Variants in CDKN2B-AS1 observed in about 807,000 individuals in gnomAD.
The protein encoded by CDKN2B-AS1 is CDKN2B and CDKN2A antisense cis and trans regulatory RNA 1, also known as CDKN2B antisense RNA 1 (non-protein coding).
At chr9:22,008,387 G>T (rs973096407) in intron 1 of CDKN2B-AS1, among the ~76,000 whole-genome samples, 2 of 152,054 alleles carry the variant, frequency 1.3e-5, no homozygotes, top group Admixed American at 6.6e-5. Flanking sequence ...AGTTTACATT[G>T]ATTTTTTCCA....
chr9:22,090,718 G>A (rs1380481297), intron 4 of CDKN2B-AS1, among the ~76,000 whole-genome samples: 1 of 151,980 alleles, frequency 6.6e-6, no homozygotes, highest in Non-Finnish European at 1.5e-5. Flanking sequence ...TGTAGATTCT[G>A]GATATTAGCC....
At chr9:22,059,745 A>G (rs1055246581) in intron 4 of CDKN2B-AS1, among the ~76,000 whole-genome samples, 1 of 152,188 alleles carries the variant, frequency 6.6e-6, no homozygotes, top group Admixed American at 6.5e-5. Context: ...CCAGCAGCAA[A>G]CTTTTGCCTG....
chr9:22,022,881 A>T (rs1442069843), intron 1 of CDKN2B-AS1, among the ~76,000 whole-genome samples: 4 of 152,240 alleles, frequency 2.6e-5, no homozygotes, highest in Non-Finnish European at 4.4e-5. Context: ...TCCTTCTCTT[A>T]TGAAACTTAG....
Position 21,996,298 on chromosome 9 carries a change from A to T in CDKN2B-AS1, n.29+1137A>T, listed in dbSNP as rs1327919784. On this transcript the variant is annotated intron_variant and non_coding_transcript_variant, in intron 1 of 4. Transcript: ENST00000650946. This position sits in a 1 kb window ranked among gnomAD's most constrained non-coding sequence, Gnocchi z 5.4. Reference sequence around the variant, plus strand: ...GCGATCACTCTTACGTAGCCACTCTAAATATCTATCTAGATATTTACAAAT... The same window carrying T: ...GCGATCACTCTTACGTAGCCACTCTTAATATCTATCTAGATATTTACAAAT... Among the ~76,000 whole-genome samples, 1 of 152,160 alleles carries T rather than the reference A, an allele frequency of 6.6e-6. No individual in the cohort carries two copies. The highest frequency in any genetic ancestry group is 1.5e-5 in the Non-Finnish European group (1 of 68,028).
intron 3 of CDKN2B-AS1, among the ~76,000 whole-genome samples, chr9:22,049,515 A>T (rs1348672978): frequency 6.6e-6 from 1 of 152,168 alleles, no homozygotes. Flanking sequence ...GTCACCCTCC[A>T]GTACATCTGC....
At chr9:22,056,069 G>C (rs1823553005) in intron 3 of CDKN2B-AS1, among the ~76,000 whole-genome samples, 1 of 148,830 alleles carries the variant, frequency 6.7e-6, no homozygotes, top group Admixed American at 6.7e-5. Context: ...TTTTGAGACG[G>C]AGTCTTGCAG....
chr9:22,090,542 T>C lies in CDKN2B-AS1; in HGVS notation n.438+34155T>C, dbSNP rs1825041872. The stretch of plus-strand genomic sequence containing the variant: ...ATTCTGACTGGTGTCAGATGGTATC[T>C]CATTGTGGTTTTGATTTGCATTTCT... On this transcript the variant is annotated intron_variant and non_coding_transcript_variant, in intron 4 of 4. Transcript: ENST00000650946. Among the ~76,000 whole-genome samples the C allele has an allele frequency of 2.6e-5, 4 of 152,334 alleles. No homozygotes were observed. In the South Asian group the frequency reaches 8.3e-4, roughly 32 times the overall value.
chr9:22,126,511 G>A (rs1468652819), intron 4 of CDKN2B-AS1, among the ~76,000 whole-genome samples: 1 of 151,640 alleles, frequency 6.6e-6, no homozygotes, highest in Non-Finnish European at 1.5e-5. Context: ...TTTCGAAAGA[G>A]GTGAACTAAG....
rs994138296 is a variant in CDKN2B-AS1 at position 21,997,344 on chromosome 9, G to A, written n.29+2183G>A. On this transcript the variant is annotated intron_variant and non_coding_transcript_variant, in intron 1 of 4. Coordinates refer to ENST00000650946, the Ensembl canonical transcript of CDKN2B-AS1. The surrounding 1 kb of genome is among the most constrained non-coding windows in gnomAD (Gnocchi z 4.8). ...TTTTTCACATCCATTATAATCTTAT[G>A]GGACACCACCAATATGTGACTGTGG... 6.6e-6 allele frequency among the ~76,000 whole-genome samples: 1 copy of A among 152,136 alleles called. No homozygotes were observed. The highest frequency in any genetic ancestry group is 6.5e-5 in the Admixed American group (1 of 15,286).
intron 4 of CDKN2B-AS1, among the ~76,000 whole-genome samples, chr9:22,089,984 C>T (rs1442491934): frequency 8.1e-6 from 1 of 123,678 alleles, no homozygotes; most frequent in South Asian, 3.3e-4. Flanking sequence ...CCCCTCCCCC[C>T]ACCCCACAAC....
chr9:22,000,002 G>A lies in CDKN2B-AS1; in HGVS notation n.29+4841G>A, dbSNP rs1009457335. On this transcript the variant is annotated intron_variant and non_coding_transcript_variant, in intron 1 of 4. Coordinates refer to ENST00000650946, the Ensembl canonical transcript of CDKN2B-AS1. This position sits in a 1 kb window ranked among gnomAD's most constrained non-coding sequence, Gnocchi z 4.1. ...GTTACCTTTGGGTAGTAAGAATGAG[G>A]GTGGGAAAAATTTCAGATTTTTGCT... Among the ~76,000 whole-genome samples the A allele has an allele frequency of 2.6e-5, 4 of 152,036 alleles. No homozygotes were observed. The highest frequency in any genetic ancestry group is 5.9e-5 in the Non-Finnish European group (4 of 67,976).
chr9:22,092,134 G>T (rs1825112454), intron 4 of CDKN2B-AS1, among the ~76,000 whole-genome samples: 1 of 152,130 alleles, frequency 6.6e-6, no homozygotes, highest in Non-Finnish European at 1.5e-5. Flanking sequence ...TTATTGATTT[G>T]CGTATGTTGA....
intron 4 of CDKN2B-AS1, among the ~76,000 whole-genome samples, chr9:22,094,551 T>A (rs1365136066): frequency 6.9e-6 from 1 of 143,936 alleles, no homozygotes; most frequent in East Asian, 2.0e-4. Context: ...TTCTTGCTTC[T>A]TTTCATTCAT....
rs200908346 is a variant in CDKN2B-AS1, at chr9:22,052,777, G to A, written n.303-3475G>A. On this transcript the variant is annotated intron_variant and non_coding_transcript_variant, in intron 3 of 4. Coordinates refer to ENST00000650946, the Ensembl canonical transcript of CDKN2B-AS1. Reference sequence around the variant, plus strand: ...GGCAACACTTTGTTAACCTGAATTGGGTTCTCAACATAAAATGAAGTGACT... The same window carrying A: ...GGCAACACTTTGTTAACCTGAATTGAGTTCTCAACATAAAATGAAGTGACT... Among the ~76,000 whole-genome samples the A allele has an allele frequency of 5.9e-5, 9 of 152,300 alleles. No individual in the cohort carries two copies. In the East Asian group the frequency reaches 1.7e-3, roughly 29 times the overall value.
intron 4 of CDKN2B-AS1, among the ~76,000 whole-genome samples, chr9:22,104,414 G>C (rs966111340): frequency 6.6e-6 from 1 of 152,188 alleles, no homozygotes; most frequent in Non-Finnish European, 1.5e-5. Context: ...ACTTGCCCAA[G>C]TGAGGATGCT....
At chr9:22,109,519 C>T (rs1825747776) in intron 4 of CDKN2B-AS1, among the ~76,000 whole-genome samples, 1 of 152,144 alleles carries the variant, frequency 6.6e-6, no homozygotes, top group Non-Finnish European at 1.5e-5. Flanking sequence ...TAATGACAAA[C>T]TCTGCCTTAG....
chr9:22,048,460 G>T (rs1354773181), intron 2 of CDKN2B-AS1, among the ~76,000 whole-genome samples: 1 of 152,136 alleles, frequency 6.6e-6, no homozygotes, highest in African/African-American at 2.4e-5. Flanking sequence ...TGTTCATGGG[G>T]TTAGTCTGGC....
At chr9:22,031,915 C>T (rs1822489347) in intron 1 of CDKN2B-AS1, among the ~76,000 whole-genome samples, 1 of 152,200 alleles carries the variant, frequency 6.6e-6, no homozygotes, top group Non-Finnish European at 1.5e-5. Context: ...TGGCAGGGAC[C>T]TGAGGGCAGC....
chr9:22,008,972 G>T (rs373722871), intron 1 of CDKN2B-AS1: 1 of 1,613,042 alleles, frequency 6.2e-7, no homozygotes, highest in African/African-American at 1.3e-5. Flanking sequence ...CCCCAGACGC[G>T]CAGCGGCCCG....
Sources: allele counts gnomAD v4.1 joint callset (sites outside exome capture counted in the v4.1 genomes callset), GRCh38; gene constraint gnomAD v4.1.1; non-coding constraint Gnocchi (gnomAD v3.1); transcripts MANE v1.5; gene names NCBI Gene and HGNC (gene_info 2026-07-23, HGNC 2026-07-21).